The following MGAT4C variants were observed in gnomAD, a reference collection of about 807,000 sequenced individuals.
The protein encoded by MGAT4C is alpha-1,3-mannosyl-glycoprotein 4-beta-N-acetylglucosaminyltransferase C.
Under a neutral mutation model 40.1 loss-of-function variants are expected in MGAT4C, and 19 were observed. The observed-to-expected ratio is 0.47, with a 90% confidence interval of 0.33 to 0.70. MGAT4C has a LOEUF of 0.70. Ranked by LOEUF, MGAT4C falls within the 30% of genes least tolerant of loss-of-function variation. MGAT4C has a pLI of 0.02. For missense variants in MGAT4C, 491 were observed against 563.2 expected, an observed-to-expected ratio of 0.87 and a Z score of 1.30; for synonymous variants, 181 against 187.1, an observed-to-expected ratio of 0.97 and a Z score of 0.27.
chr12:86,477,932 C>T lies in MGAT4C; in HGVS notation c.-228-42667G>A, dbSNP rs930983206. ...CCTTAAAGCAGATTAATGTATAAAA[C>T]AGTCTTCGAACTAACTTGGACTTAC... On this transcript the variant is annotated intron_variant, in intron 2 of 7. Transcript: ENST00000548651. 2.0e-5 allele frequency among the ~76,000 whole-genome samples: 3 copies of T among 152,096 alleles called. No homozygotes were observed. The South Asian group carries it at 6.2e-4, about 32-fold the overall frequency.
At chr12:86,364,530 CCAGCA>C (rs1955551089) in intron 3 of MGAT4C, among the ~76,000 whole-genome samples, 1 of 151,984 alleles carries the variant, frequency 6.6e-6, no homozygotes, top group South Asian at 2.1e-4. Context: ...GCCAATTATC[CCAGCA>C]CCATTTATTG....
intron 1 of MGAT4C, among the ~76,000 whole-genome samples, chr12:86,084,456 T>C (rs952999748): frequency 2.0e-5 from 3 of 152,082 alleles, no homozygotes; most frequent in Admixed American, 2.0e-4. Context: ...TAATATTCTG[T>C]GTATTACACA....
At chr12:86,436,228 AGTGCAACAAAACAATTTT>A (rs528978092) in intron 2 of MGAT4C, among the ~76,000 whole-genome samples, 4,743 of 150,872 alleles carry the variant, frequency 0.031, 87 homozygotes, top group Middle Eastern at 0.092. Context: ...AGATTAAGCA[AGTGCAACAAAACAATTTT>A]GTGCAACAAA....
At chr12:86,292,184 G>A (rs1235459740) in intron 4 of MGAT4C, among the ~76,000 whole-genome samples, 1 of 152,144 alleles carries the variant, frequency 6.6e-6, no homozygotes, top group Non-Finnish European at 1.5e-5. Context: ...ATGTTTGGTG[G>A]TGGTGGTGGT....
chr12:86,491,007 G>A (rs1387041888), intron 2 of MGAT4C, among the ~76,000 whole-genome samples: 3 of 152,056 alleles, frequency 2.0e-5, no homozygotes, highest in South Asian at 2.1e-4. Flanking sequence ...AGATCAACGA[G>A]ACAGAAAGTT....
intron 1 of MGAT4C, among the ~76,000 whole-genome samples, chr12:86,808,838 A>T (rs1270586340): frequency 6.6e-6 from 1 of 152,090 alleles, no homozygotes; most frequent in African/African-American, 2.4e-5. Context: ...GAGGAAGTCA[A>T]ATTGTCTTTG....
At chr12:86,326,218 T>C (rs1013743040) in intron 4 of MGAT4C, among the ~76,000 whole-genome samples, 22 of 152,008 alleles carry the variant, frequency 1.4e-4, no homozygotes, top group African/African-American at 4.1e-4. Context: ...TGAGATCTAA[T>C]GTACAGCTTG....
At chr12:86,056,384 A>ACTC (rs1893391308) in intron 1 of MGAT4C, among the ~76,000 whole-genome samples, 1 of 149,928 alleles carries the variant, frequency 6.7e-6, no homozygotes, top group African/African-American at 2.5e-5. Context: ...TCCCTCCTCC[A>ACTC]CTCCTCCACC....
intron 3 of MGAT4C, among the ~76,000 whole-genome samples, chr12:86,412,354 CATGT>C (rs1238340131): frequency 2.0e-5 from 3 of 152,168 alleles, no homozygotes; most frequent in African/African-American, 7.2e-5. Flanking sequence ...GGGGCTGAGC[CATGT>C]AGAACCAAAG....
chr12:86,068,848 G>T (rs1808320743), intron 1 of MGAT4C, among the ~76,000 whole-genome samples: 1 of 152,018 alleles, frequency 6.6e-6, no homozygotes, highest in Non-Finnish European at 1.5e-5. Context: ...GTAAACCTTG[G>T]GGTGGGCTTT....
chr12:86,651,549 A>T (rs1963697433), intron 2 of MGAT4C, among the ~76,000 whole-genome samples: 1 of 151,862 alleles, frequency 6.6e-6, no homozygotes, highest in African/African-American at 2.4e-5. Flanking sequence ...TTGCTTATTA[A>T]TTACAAGTAA....
chr12:86,266,928 T>C (rs575992020), intron 4 of MGAT4C, among the ~76,000 whole-genome samples: 1 of 152,222 alleles, frequency 6.6e-6, no homozygotes, highest in Non-Finnish European at 1.5e-5. Flanking sequence ...TGTGAGTATA[T>C]AGTTATTCAT....
chr12:85,959,084 A>G lies in MGAT4C; in HGVS notation c.*20205T>C, dbSNP rs1882976643. ...ATACAATACAATACAATACAATACAATACATGTAGACTCAGCATCCAAACT... is the reference window on the plus strand; with the variant it reads ...ATACAATACAATACAATACAATACAGTACATGTAGACTCAGCATCCAAACT... On this transcript the variant is annotated 3_prime_UTR_variant, in exon 5 of 5. Transcript: ENST00000611864. 1.3e-5 allele frequency: 2 copies of G among 148,290 alleles called. No individual in the cohort carries two copies. Among genetic ancestry groups the G allele is most frequent in the African/African-American group, 5.0e-5 (2 of 39,936 alleles). The allele number at this position is 148,290 out of a possible 1,614,324, so 9.2% of individuals were successfully genotyped here.
intron 2 of MGAT4C, among the ~76,000 whole-genome samples, chr12:86,688,150 AC>A (rs1244574213): frequency 8.0e-6 from 1 of 125,124 alleles, no homozygotes; most frequent in Non-Finnish European, 1.6e-5. Flanking sequence ...TAGGAATGCA[AC>A]CCCTGCTTTT....
At chr12:86,443,855 A>G (rs1957284038) in intron 2 of MGAT4C, among the ~76,000 whole-genome samples, 2 of 152,074 alleles carry the variant, frequency 1.3e-5, no homozygotes. Flanking sequence ...CGGCTTCCCA[A>G]AGTGCTGGGA....
chr12:86,306,109 G>T (rs947187348), intron 4 of MGAT4C, among the ~76,000 whole-genome samples: 2 of 150,368 alleles, frequency 1.3e-5, no homozygotes, highest in African/African-American at 2.5e-5. Flanking sequence ...CTTGATAAAA[G>T]AATACAATTA....
chr12:86,290,552 T>A (rs1044885633), intron 4 of MGAT4C, among the ~76,000 whole-genome samples: 2 of 152,222 alleles, frequency 1.3e-5, no homozygotes, highest in South Asian at 4.1e-4. Context: ...GGGTGACAGA[T>A]TGCAAGAGAA....
intron 3 of MGAT4C, among the ~76,000 whole-genome samples, chr12:86,344,735 T>TGC (rs1566305766): frequency 6.8e-6 from 1 of 146,942 alleles, no homozygotes; most frequent in South Asian, 2.2e-4. Context: ...TGTGTGTGTG[T>TGC]GTGTGTGTGT....
At chr12:86,296,382 C>CAGTCCCGTGCCAGCTGCCTGCT (rs1170774608) in intron 4 of MGAT4C, among the ~76,000 whole-genome samples, 6 of 152,232 alleles carry the variant, frequency 3.9e-5, no homozygotes, top group Non-Finnish European at 7.3e-5. Flanking sequence ...AGCTGCCTGC[C>CAGTCCCGTGCCAGCTGCCTGCT]AGTCCCGTGC....
Sources: allele counts gnomAD v4.1 joint callset (sites outside exome capture counted in the v4.1 genomes callset), GRCh38; gene constraint gnomAD v4.1.1; transcripts MANE v1.5; gene names NCBI Gene and HGNC (gene_info 2026-07-23, HGNC 2026-07-21).